The following ARHGAP6 variants were observed in gnomAD, a reference collection of about 807,000 sequenced individuals.
ARHGAP6 encodes Rho GTPase activating protein 6.
Under a neutral mutation model 55.7 loss-of-function variants are expected in ARHGAP6, and 16 were observed. The observed-to-expected ratio is 0.29, with a 90% CI of 0.19 to 0.44. ARHGAP6 has a LOEUF of 0.44. ARHGAP6 is among the 20% of genes least tolerant of loss of function. The pLI, the probability that ARHGAP6 is intolerant of heterozygous loss-of-function variation, is 1.00. For missense variants in ARHGAP6, 698 were observed against 808.9 expected (o/e 0.86, Z 1.66); for synonymous variants, 382 against 360.9 (o/e 1.06, Z -0.66).
At chrX:11,290,137 G>A (rs1464265592) in intron 1 of ARHGAP6, among the ~76,000 whole-genome samples, 1 of 111,840 alleles carries the variant, frequency 8.9e-6, no homozygotes, top group Non-Finnish European at 1.9e-5. Context: ...CTTATCAGAG[G>A]TCATTTGCAC....
At position 11,333,366 on chromosome X, in the gene ARHGAP6, C is replaced by A. The variant is rs187601524; in HGVS notation, c.589-78659G>T. On this transcript the variant is annotated intron_variant, in intron 1 of 12. Coordinates refer to ENST00000337414, the MANE Select transcript of ARHGAP6 (RefSeq NM_013427.3). ...AGGGGCTTTTGCCCCTTTTGCTCAGCAAGTCTTCTTGCTCCTGCCATGTGA... is the reference window on the plus strand; with the variant it reads ...AGGGGCTTTTGCCCCTTTTGCTCAGAAAGTCTTCTTGCTCCTGCCATGTGA... Among the ~76,000 whole-genome samples the A allele has an allele frequency of 4.5e-5, 5 of 111,783 alleles. No individual in the cohort carries two copies. In the East Asian group the frequency reaches 1.4e-3, roughly 32 times the overall value.
Position 11,139,174 on chromosome X carries a change from C to T in ARHGAP6, c.2614G>A (p.Gly872Arg), listed in dbSNP as rs759549316. 1.1e-5 allele frequency: 13 copies of T among 1,205,711 alleles called. No homozygotes were observed. The highest frequency in any genetic ancestry group is 1.5e-5 in the Non-Finnish European group (13 of 893,964). ...RATPQCQRPH[G>R]SGRDDKRPPP... ...GGCCGCTTGTCATCCCTCCCACTCC[C>T]ATGGGGTCTTTGGCACTGAGGTGTG... The change falls in exon 13 of 13, where the codon GGG becomes AGG. Residue 872 changes from glycine to arginine, a missense_variant. By Grantham distance (125) the Gly-to-Arg change is moderately radical. Transcript: ENST00000337414.
At chrX:11,344,621 T>C (rs1260549314) in intron 1 of ARHGAP6, among the ~76,000 whole-genome samples, 1 of 90,084 alleles carries the variant, frequency 1.1e-5, no homozygotes, top group African/African-American at 4.5e-5. Context: ...GAGGTTGCAG[T>C]GAGCCGAGAC....
At chrX:11,142,147 C>A in intron 12 of ARHGAP6, 86 bp downstream of exon 12, 3 of 620,377 alleles carry the variant, frequency 4.8e-6, no homozygotes, top group Non-Finnish European at 7.2e-6. Context: ...TAATGTTTGA[C>A]AAGCATGTAA....
intron 2 of ARHGAP6, among the ~76,000 whole-genome samples, chrX:11,245,863 C>A (rs1177968702): frequency 8.9e-6 from 1 of 112,095 alleles, no homozygotes; most frequent in Non-Finnish European, 1.9e-5. Context: ...AAATAAAAGT[C>A]TGTGGTGCAT....
At chrX:11,261,826 T>A (rs767417141) in intron 1 of ARHGAP6, among the ~76,000 whole-genome samples, 1 of 111,574 alleles carries the variant, frequency 9.0e-6, no homozygotes, top group East Asian at 2.8e-4. Flanking sequence ...TGGGGCAGCG[T>A]TTGATACTGG....
chrX:11,607,894 A>G (rs1373194145), intron 1 of ARHGAP6, among the ~76,000 whole-genome samples: 3 of 112,541 alleles, frequency 2.7e-5, no homozygotes, highest in African/African-American at 6.4e-5. Flanking sequence ...ACAGGCTTCA[A>G]TGAAAAATAA....
chrX:11,480,045 C>T (rs757752934), intron 1 of ARHGAP6, among the ~76,000 whole-genome samples: 3 of 111,449 alleles, frequency 2.7e-5, no homozygotes, highest in East Asian at 2.8e-4. Context: ...GGGAAATGTA[C>T]GACAGTTGAG....
intron 1 of ARHGAP6, among the ~76,000 whole-genome samples, chrX:11,447,597 A>T (rs1348856301): frequency 8.9e-6 from 1 of 111,948 alleles, no homozygotes; most frequent in Non-Finnish European, 1.9e-5. Flanking sequence ...GAAAATATTT[A>T]CTCTCGGCTT....
chrX:11,452,155 T>C (rs1378570414), intron 1 of ARHGAP6, among the ~76,000 whole-genome samples: 6 of 112,191 alleles, frequency 5.3e-5, no homozygotes, highest in Non-Finnish European at 1.1e-4. Flanking sequence ...ATTTTTTTAA[T>C]TTATTTTTTT....
chrX:11,448,053 G>A, intron 1 of ARHGAP6, among the ~76,000 whole-genome samples: 1 of 112,357 alleles, frequency 8.9e-6, no homozygotes, highest in Non-Finnish European at 1.9e-5. Context: ...AGTACAAGAA[G>A]ACTAAACAAA....
At chrX:11,305,776 A>C (rs980294511) in intron 1 of ARHGAP6, among the ~76,000 whole-genome samples, 1 of 112,032 alleles carries the variant, frequency 8.9e-6, no homozygotes, top group African/African-American at 3.2e-5. Flanking sequence ...CTTAATTCTC[A>C]TGATTTTCAG....
chrX:11,636,565 C>A (rs1240811607), intron 1 of ARHGAP6, among the ~76,000 whole-genome samples: 1 of 111,041 alleles, frequency 9.0e-6, no homozygotes, highest in Non-Finnish European at 1.9e-5. Flanking sequence ...GAAAAAAGGT[C>A]TCCAATGACT....
chrX:11,365,238 A>C (rs773665512), intron 1 of ARHGAP6, among the ~76,000 whole-genome samples: 6 of 112,163 alleles, frequency 5.3e-5, no homozygotes, highest in Admixed American at 9.4e-5. Flanking sequence ...GCCTGCAGAG[A>C]GAAGGACCCA....
intron 1 of ARHGAP6, among the ~76,000 whole-genome samples, chrX:11,637,036 C>G (rs1237138953): frequency 9.0e-6 from 1 of 111,396 alleles, no homozygotes; most frequent in Non-Finnish European, 1.9e-5. Flanking sequence ...TCACAACATC[C>G]AAGTTGAAAT....
At chrX:11,581,549 T>C (rs2051666565) in intron 1 of ARHGAP6, among the ~76,000 whole-genome samples, 1 of 111,737 alleles carries the variant, frequency 8.9e-6, no homozygotes, top group Non-Finnish European at 1.9e-5. Context: ...ATAAACAAAG[T>C]GTGGTCTATC....
At chrX:11,462,916 T>C (rs977213250) in intron 1 of ARHGAP6, among the ~76,000 whole-genome samples, 2 of 112,827 alleles carry the variant, frequency 1.8e-5, no homozygotes, top group Non-Finnish European at 3.7e-5. Context: ...TAAAAGGTAG[T>C]GGCGAGACCC....
chrX:11,387,216 T>C (rs2049339026), intron 1 of ARHGAP6, among the ~76,000 whole-genome samples: 1 of 112,087 alleles, frequency 8.9e-6, no homozygotes, highest in Non-Finnish European at 1.9e-5. Flanking sequence ...GTGTCAACCC[T>C]GACTGCACTC....
chrX:11,614,881 T>C (rs2052145240), intron 1 of ARHGAP6, among the ~76,000 whole-genome samples: 1 of 109,676 alleles, frequency 9.1e-6, no homozygotes. Context: ...ATTTCATGGG[T>C]GGAGGCTGGG....
Sources: allele counts gnomAD v4.1 joint callset (sites outside exome capture counted in the v4.1 genomes callset), GRCh38; gene constraint gnomAD v4.1.1; transcripts MANE v1.5; gene names NCBI Gene and HGNC (gene_info 2026-07-23, HGNC 2026-07-21).